Variants in PRMT7 observed in about 807,000 individuals in gnomAD.
PRMT7 encodes protein arginine N-methyltransferase 7.
PRMT7 carries 75 observed loss-of-function variants against 85.4 expected under a neutral mutation model. The observed-to-expected ratio is 0.88, with a 90% CI of 0.73 to 1.06. The LOEUF (loss-of-function observed/expected upper bound fraction) is 1.06, where lower values mean the gene tolerates loss of function less well. Among genes scored for constraint, PRMT7 ranks in the 50% least tolerant of loss-of-function variants. The pLI is 0.00. For missense variants in PRMT7, 868 were observed against 915.2 expected, an observed-to-expected ratio of 0.95 and a Z score of 0.67; for synonymous variants, 397 against 359.5, an observed-to-expected ratio of 1.10 and a Z score of -1.18.
intron 5 of PRMT7, chr16:68,328,464 G>T (rs2083400300): frequency 6.7e-6 from 1 of 148,944 alleles, no homozygotes; most frequent in Non-Finnish European, 1.5e-5. Flanking sequence ...GCCTGTTGGG[G>T]TAGGTTTGCA....
intron 7 of PRMT7, among the ~76,000 whole-genome samples, chr16:68,338,440 A>G (rs539598107): frequency 6.6e-6 from 1 of 151,928 alleles, no homozygotes; most frequent in Admixed American, 6.6e-5. Context: ...GAGCTCTCTA[A>G]AGGTCAGCCA....
rs1188780711 is a variant in PRMT7 at position 68,358,563 on chromosome 16, T to TA, written c.*1345dup. ...ACAATACAGAAAAAAATACAGAAAT[T>TA]AAAAAAGTTTTTATAACAGTATTTC... is the stretch of plus-strand genomic sequence containing the variant. On this transcript the variant is annotated 3_prime_UTR_variant, in exon 19 of 19. Coordinates refer to ENST00000441236, the MANE Select transcript of PRMT7 (RefSeq NM_019023.5). 6.6e-6 allele frequency: 1 copy of TA among 152,566 alleles called. No homozygotes were observed. Among genetic ancestry groups the TA allele is most frequent in the African/African-American group, 2.4e-5 (1 of 41,428 alleles). The allele number at this position is 152,566 out of a possible 1,614,324, so 9.5% of individuals were successfully genotyped here. A position where few individuals can be genotyped will look rare whatever the true frequency, so the allele number is the denominator to read the frequency against.
rs1131933 is a variant in PRMT7 at position 68,355,869 on chromosome 16, C to T, written c.1797C>T (p.Thr599=). ...VPLQPLCAEG[T]VELRRPGQSH... ...TGCAGCCCCTGTGTGCCGAGGGCAC[C>T]GTGGAGCTCAGAAGGTGGGTGCAGA... The change falls in exon 17 of 19, where the codon ACC becomes ACT. Residue 599 remains threonine (T), a synonymous_variant. Coordinates refer to ENST00000441236, the MANE Select transcript of PRMT7 (RefSeq NM_019023.5). The T allele has an allele frequency of 0.47, 748,083 of 1,599,246 alleles. 179,781 individuals are homozygous for T. The highest frequency in any genetic ancestry group is 0.79 in the East Asian group (35,285 of 44,580).
rs766124785 is a variant in PRMT7 at position 68,339,502 on chromosome 16, C to G, written c.685C>G (p.Gln229Glu). The change falls in exon 8 of 19, where the codon CAG becomes GAG. Residue 229 changes from glutamine (Q) to glutamate (E), a missense_variant. Gln to Glu is a conservative substitution (Grantham distance 29, BLOSUM62 2). Coordinates refer to ENST00000441236, the MANE Select transcript of PRMT7 (RefSeq NM_019023.5). Reference protein sequence around the residue: ...CPGAPSVCDIQLNQVSPADFT... With the variant: ...CPGAPSVCDIELNQVSPADFT... ...TGGCGCACCCTCTGTCTGTGACATT[C>G]AGCTGAACCAGGTGTCACCAGCCGA... 1.9e-6 allele frequency: 3 copies of G among 1,614,094 alleles called. No individual in the cohort carries two copies. In the African/African-American group the frequency reaches 4.0e-5, roughly 22 times the overall value.
At chr16:68,326,138 G>A (rs2083088929) in intron 5 of PRMT7, among the ~76,000 whole-genome samples, 1 of 152,156 alleles carries the variant, frequency 6.6e-6, no homozygotes, top group African/African-American at 2.4e-5. Context: ...GTTAAGTACT[G>A]TTAACATTTT....
Position 68,321,424 on chromosome 16 carries a change from A to C in PRMT7, c.96-2A>C. 6.2e-7 allele frequency: 1 copy of C among 1,607,218 alleles called. No individual in the cohort carries two copies. The highest frequency in any genetic ancestry group is 8.5e-7 in the Non-Finnish European group (1 of 1,175,120). ...AAGGTTACTGACTTTTTTGTTTTTT[A>C]GGTCATCTTATGCAGATATGCTACA... On this transcript the variant is annotated splice_acceptor_variant, in intron 3 of 18. Transcript: ENST00000441236. LOFTEE classifies it high-confidence loss of function.
At position 68,352,212 on chromosome 16, in the gene PRMT7, C is replaced by T. The variant is rs892070929; in HGVS notation, c.1414-36C>T. ...GTTAACACTCCTGGACCGAGCCCTA[C>T]TGACACCTGGGCCCTGCTTCTCGCC... On this transcript the variant is annotated intron_variant, in intron 14 of 18. Coordinates refer to ENST00000441236, the MANE Select transcript of PRMT7 (RefSeq NM_019023.5). 3.1e-6 allele frequency: 5 copies of T among 1,605,374 alleles called. No homozygotes were observed. In the Admixed American group the frequency reaches 8.4e-5, roughly 27 times the overall value.
At position 68,355,754 on chromosome 16, in the gene PRMT7, C is replaced by G. The variant is rs201014314; in HGVS notation, c.1682C>G (p.Ala561Gly). Reference protein sequence around the residue: ...RALDFRESREAEPHPLWEYPC... With the variant: ...RALDFRESREGEPHPLWEYPC... ...CTGGACTTCAGGGAGAGCAGGGAAG[C>G]TGAGCCCCACCCGCTGTGGGAGTAC... The change falls in exon 17 of 19, where the codon GCT (alanine) becomes GGT (glycine). Residue 561 changes from alanine (A) to glycine (G), a missense_variant. Transcript: ENST00000441236. 1.1e-4 allele frequency: 177 copies of G among 1,608,512 alleles called. 1 individual carries two copies. Among genetic ancestry groups the G allele is most frequent in the Non-Finnish European group, 1.2e-4 (144 of 1,177,204 alleles).
At chr16:68,331,253 ATT>A (rs895385649) in intron 6 of PRMT7, among the ~76,000 whole-genome samples, 7 of 148,770 alleles carry the variant, frequency 4.7e-5, no homozygotes, top group East Asian at 2.0e-4. Flanking sequence ...TGCTGGTAAG[ATT>A]CTTCCACACT....
At chr16:68,337,434 A>G in intron 6 of PRMT7, 25 bp from the exon 7 acceptor site, 2 of 1,541,384 alleles carry the variant, frequency 1.3e-6, no homozygotes, top group Non-Finnish European at 1.8e-6. Flanking sequence ...GCTTATGTCC[A>G]ACTCTGTTTT....
chr16:68,356,499 G>A (rs1304059118), intron 17 of PRMT7, among the ~76,000 whole-genome samples: 1 of 152,252 alleles, frequency 6.6e-6, no homozygotes, highest in Non-Finnish European at 1.5e-5. Context: ...GGCTCGGGTT[G>A]GCTCAGGTGG....
chr16:68,324,713 G>A lies in PRMT7; in HGVS notation c.163G>A (p.Ala55Thr), dbSNP rs527256441. The A allele has an allele frequency of 6.2e-7, 1 of 1,614,248 alleles. No homozygotes were observed. The highest frequency in any genetic ancestry group is 1.3e-5 in the African/African-American group (1 of 75,080). ...NVKYYQGIRA[A>T]VSRVKDRGQK... Reference sequence around the variant, plus strand: ...AAAATACTACCAAGGTATCCGGGCTGCCGTGAGCAGGGTGAAGGACAGAGG... The same window carrying A: ...AAAATACTACCAAGGTATCCGGGCTACCGTGAGCAGGGTGAAGGACAGAGG... Residue 55 changes from alanine (A) to threonine (T), a missense_variant, in exon 5 of 19, where the codon GCC (alanine) becomes ACC (threonine). By Grantham distance (58) the Ala-to-Thr change is moderately conservative. Coordinates refer to ENST00000441236, the MANE Select transcript of PRMT7 (RefSeq NM_019023.5).
chr16:68,326,557 T>G (rs1336565379), intron 5 of PRMT7, among the ~76,000 whole-genome samples: 2 of 152,220 alleles, frequency 1.3e-5, no homozygotes, highest in Non-Finnish European at 2.9e-5. Flanking sequence ...TGTTCCTCTT[T>G]TTTAAAAGTA....
chr16:68,355,578 C>G, intron 16 of PRMT7, 145 bp from the exon 17 acceptor site: 3 of 826,608 alleles, frequency 3.6e-6, no homozygotes, highest in Non-Finnish European at 3.4e-6. Context: ...AGAGGGGGCG[C>G]CGCTGGTCTG....
chr16:68,311,196 T>A (rs2043588315), intron 1 of PRMT7, 97 bp downstream of exon 1: 1 of 569,062 alleles, frequency 1.8e-6, no homozygotes, highest in Admixed American at 2.8e-5. Context: ...CAGAGGAGCC[T>A]AGCGTGGGCC....
At chr16:68,341,212 C>T (rs1308591319) in intron 9 of PRMT7, among the ~76,000 whole-genome samples, 1 of 152,222 alleles carries the variant, frequency 6.6e-6, no homozygotes, top group African/African-American at 2.4e-5. Flanking sequence ...CTCACTCTCA[C>T]ACTCAAAGGA....
intron 9 of PRMT7, among the ~76,000 whole-genome samples, chr16:68,344,506 G>T (rs1868977166): frequency 6.6e-6 from 1 of 152,110 alleles, no homozygotes; most frequent in Non-Finnish European, 1.5e-5. Context: ...TCTGCACGAG[G>T]GTTTATATCC....
intron 14 of PRMT7, among the ~76,000 whole-genome samples, chr16:68,350,606 G>A (rs2087172690): frequency 1.3e-5 from 2 of 152,158 alleles, no homozygotes; most frequent in African/African-American, 4.8e-5. Context: ...CAGTTTTATT[G>A]AGATATAATT....
intron 9 of PRMT7, among the ~76,000 whole-genome samples, chr16:68,342,651 G>A (rs2151776986): frequency 6.6e-6 from 1 of 152,284 alleles, no homozygotes; most frequent in Non-Finnish European, 1.5e-5. Context: ...AGGCCGAAGG[G>A]TTGTGACTGC....
Sources: allele counts gnomAD v4.1 joint callset (sites outside exome capture counted in the v4.1 genomes callset), GRCh38; gene constraint gnomAD v4.1.1; transcripts MANE v1.5; gene names NCBI Gene and HGNC (gene_info 2026-07-23, HGNC 2026-07-21).